Variants in LRRK2 observed in about 807,000 individuals in gnomAD.
LRRK2 encodes the protein leucine rich repeat kinase 2, also known as leucine-rich repeat serine/threonine-protein kinase 2.
In LRRK2, 203 loss-of-function variants were observed where a neutral mutation model predicts 302.6. The observed-to-expected ratio is 0.67, with a 90% confidence interval of 0.60 to 0.75. LRRK2 has a LOEUF of 0.75. Among genes scored for constraint, LRRK2 ranks in the 30% least tolerant of loss-of-function variants. LRRK2 has a pLI of 0.00. For synonymous variants in LRRK2, 1,066 were observed against 1,031.9 expected, an observed-to-expected ratio of 1.03 and a Z score of -0.63; for missense variants, 2,830 against 2,951.0, an observed-to-expected ratio of 0.96 and a Z score of 0.95.
intron 2 of LRRK2, among the ~76,000 whole-genome samples, chr12:40,228,433 C>CTTTTTTTT (rs35333613): frequency 8.3e-4 from 16 of 19,298 alleles, no homozygotes; most frequent in African/African-American, 1.0e-3. Flanking sequence ...AAAAATAAGA[C>CTTTTTTTT]TTTTTTTTTT....
chr12:40,229,955 C>CTTTTTTTT lies in LRRK2; in HGVS notation c.238-2298_238-2291dup, dbSNP rs71078229. Among the ~76,000 whole-genome samples the CTTTTTTTT allele has an allele frequency of 3.2e-5, 3 of 92,926 alleles. 1 individual carries two copies. The highest frequency in any genetic ancestry group is 2.1e-5 in the Non-Finnish European group (1 of 47,744). 61.0% of individuals were successfully genotyped at this position (92,926 alleles called of 152,430 possible). A position where few individuals can be genotyped will look rare whatever the true frequency, so the allele number is the denominator to read the frequency against. ...GAGATGAGTTTGGCATCCTATGTGA[C>CTTTTTTTT]TTTTTTTTTTTTTTTTTTTTTTTTT... is the stretch of plus-strand genomic sequence containing the variant. On this transcript the variant is annotated intron_variant, in intron 2 of 50. Coordinates refer to ENST00000298910, the MANE Select transcript of LRRK2 (RefSeq NM_198578.4).
At chr12:40,328,312 T>C in intron 38 of LRRK2, 48 bp from the exon 39 acceptor site, 1 of 1,452,502 alleles carries the variant, frequency 6.9e-7, no homozygotes, top group East Asian at 2.3e-5. Context: ...TTTAGTTTTT[T>C]TCGCTTGGAC....
In LRRK2 at chr12:40,364,912, T is replaced by C. The variant is rs1275746186; in HGVS notation, c.7252T>C (p.Cys2418Arg). Residue 2418 changes from cysteine (C) to arginine (R), a missense_variant, in exon 49 of 51, where the codon TGC becomes CGC. This residue lies in a region of LRRK2 where 456 missense variants were observed against 456.3 expected (regional missense o/e 1.00). Coordinates refer to ENST00000298910, the MANE Select transcript of LRRK2 (RefSeq NM_198578.4). Reference protein sequence around the residue: ...MSYSGRVKTLCLQKNTALWIG... With the variant: ...MSYSGRVKTLRLQKNTALWIG... Reference sequence around the variant, plus strand: ...TTATTCTGGGAGAGTGAAAACCCTCTGCCTTCAGAAGAACACTGCTCTTTG... The same window carrying C: ...TTATTCTGGGAGAGTGAAAACCCTCCGCCTTCAGAAGAACACTGCTCTTTG... The C allele has an allele frequency of 6.2e-7, 1 of 1,612,438 alleles. No homozygotes were observed. Among genetic ancestry groups the C allele is most frequent in the Non-Finnish European group, 8.5e-7 (1 of 1,179,094 alleles).
intron 41 of LRRK2, among the ~76,000 whole-genome samples, chr12:40,346,091 T>C (rs1946184149): frequency 6.6e-6 from 1 of 152,190 alleles, no homozygotes; most frequent in Non-Finnish European, 1.5e-5. Flanking sequence ...AATCACTCTT[T>C]TTTTCTGAAG....
chr12:40,364,129 A>G (rs1946801967), intron 48 of LRRK2, among the ~76,000 whole-genome samples: 2 of 152,056 alleles, frequency 1.3e-5, no homozygotes, highest in African/African-American at 2.4e-5. Flanking sequence ...TAGCCACTTT[A>G]TATTTTTATT....
chr12:40,367,942 A>G lies in LRRK2; in HGVS notation c.*177A>G, dbSNP rs1158648153. On this transcript the variant is annotated 3_prime_UTR_variant, in exon 51 of 51. Coordinates refer to ENST00000298910, the MANE Select transcript of LRRK2 (RefSeq NM_198578.4). Reference sequence around the variant, plus strand: ...TAAAAATACTTACCAGTAAATGTGTATTTTAAAGAACTATTTAAAACACAA... The same window carrying G: ...TAAAAATACTTACCAGTAAATGTGTGTTTTAAAGAACTATTTAAAACACAA... 1 of 443,632 alleles carries G rather than the reference A, an allele frequency of 2.3e-6. No individual in the cohort carries two copies. Among genetic ancestry groups the G allele is most frequent in the Non-Finnish European group, 3.9e-6 (1 of 257,250 alleles). The allele number at this position is 443,632 out of a possible 1,614,324, so 27.5% of individuals were successfully genotyped here. A position where few individuals can be genotyped will look rare whatever the true frequency, so the allele number is the denominator to read the frequency against.
At chr12:40,235,311 A>G (rs1031570168) in intron 3 of LRRK2, among the ~76,000 whole-genome samples, 1 of 152,214 alleles carries the variant, frequency 6.6e-6, no homozygotes, top group African/African-American at 2.4e-5. Context: ...TCTCCAAAAA[A>G]GAATGAAAAA....
rs200989349 is a variant in LRRK2 at position 40,363,392 on chromosome 12, T to C, written c.7029-10T>C. On this transcript the variant is annotated splice_polypyrimidine_tract_variant and intron_variant, in intron 47 of 50. Transcript: ENST00000298910. ...AATAGTGATGACTTTCTATTTTTTT[T>C]TCTCTGTAGGTTTTCTTATGCAGCT... The C allele has an allele frequency of 9.9e-6, 16 of 1,610,180 alleles. No individual in the cohort carries two copies. The African/African-American group carries it at 2.0e-4, about 20-fold the overall frequency.
rs1216578449 is a variant in LRRK2, at chr12:40,274,876, T to A, written c.1824T>A (p.Ser608Arg). 6.2e-7 allele frequency: 1 copy of A among 1,611,960 alleles called. No homozygotes were observed. Among genetic ancestry groups the A allele is most frequent in the Admixed American group, 1.7e-5 (1 of 59,974 alleles). ...DDQEIQCLGL[S>R]LIGYLITKKN... is the part of the protein sequence containing the mutation. Reference sequence around the variant, plus strand: ...TAGAAATTCAGTGTCTGGGTTTAAGTCTTATAGGATACTTGATTACAAAGA... The same window carrying A: ...TAGAAATTCAGTGTCTGGGTTTAAGACTTATAGGATACTTGATTACAAAGA... The change falls in exon 16 of 51, where the codon AGT (serine) becomes AGA (arginine). Residue 608 changes from serine to arginine, a missense_variant. This residue lies in a region of LRRK2 where 2,121 missense variants were observed against 2,148.0 expected (regional missense o/e 0.99). Coordinates refer to ENST00000298910, the MANE Select transcript of LRRK2 (RefSeq NM_198578.4).
chr12:40,294,014 C>T (rs1944272426), intron 21 of LRRK2, among the ~76,000 whole-genome samples: 1 of 151,258 alleles, frequency 6.6e-6, no homozygotes, highest in Non-Finnish European at 1.5e-5. Flanking sequence ...TGGGTTGGTC[C>T]CATGAACACT....
intron 14 of LRRK2, among the ~76,000 whole-genome samples, chr12:40,270,077 G>GTTGTTGAATA (rs1943171841): frequency 6.6e-6 from 1 of 152,110 alleles, no homozygotes; most frequent in Non-Finnish European, 1.5e-5. Context: ...TTCACTTAGA[G>GTTGTTGAATA]TTGTTGAATA....
chr12:40,341,193 G>A (rs1343635868), intron 41 of LRRK2, among the ~76,000 whole-genome samples: 2 of 152,112 alleles, frequency 1.3e-5, no homozygotes, highest in East Asian at 3.9e-4. Context: ...TTTGGAGTGT[G>A]GGGAACACTC....
At chr12:40,244,849 A>G (rs1020542667) in intron 7 of LRRK2, among the ~76,000 whole-genome samples, 2 of 151,920 alleles carry the variant, frequency 1.3e-5, no homozygotes, top group Non-Finnish European at 1.5e-5. Flanking sequence ...TAACCTGAAC[A>G]TTGTACACAT....
intron 23 of LRRK2, 30 bp downstream of exon 23, chr12:40,295,674 A>G: frequency 1.5e-5 from 23 of 1,581,400 alleles, no homozygotes; most frequent in Non-Finnish European, 2.0e-5. Context: ...GTAACTTTCA[A>G]GACATTTGAA....
intron 14 of LRRK2, among the ~76,000 whole-genome samples, chr12:40,264,140 A>G (rs887184941): frequency 2.0e-5 from 3 of 152,192 alleles, no homozygotes; most frequent in Non-Finnish European, 2.9e-5. Flanking sequence ...TTTGATTGCC[A>G]GTAACATAAA....
At chr12:40,311,925 C>G (rs1592272285) in intron 31 of LRRK2, among the ~76,000 whole-genome samples, 1 of 151,404 alleles carries the variant, frequency 6.6e-6, no homozygotes, top group East Asian at 1.9e-4. Flanking sequence ...AAAACAAATA[C>G]ACAAAATTTA....
Position 40,364,921 on chromosome 12 carries a change from A to G in LRRK2, c.7261A>G (p.Lys2421Glu). The G allele has an allele frequency of 6.2e-7, 1 of 1,612,650 alleles. No individual in the cohort carries two copies. The highest frequency in any genetic ancestry group is 8.5e-7 in the Non-Finnish European group (1 of 1,179,118). Residue 2421 changes from lysine to glutamate, a missense_variant, in exon 49 of 51, where the codon AAG becomes GAG. By Grantham distance (56) the Lys-to-Glu change is moderately conservative. Transcript: ENST00000298910. The stretch of plus-strand genomic sequence containing the variant: ...GAGAGTGAAAACCCTCTGCCTTCAG[A>G]AGAACACTGCTCTTTGGATAGGAAC... ...SGRVKTLCLQ[K>E]NTALWIGTGG... is the part of the protein sequence containing the mutation.
chr12:40,251,201 T>A (rs1190716743), intron 8 of LRRK2, 31 bp from the exon 9 acceptor site: 22 of 1,337,298 alleles, frequency 1.6e-5, no homozygotes, highest in Non-Finnish European at 2.0e-5. Context: ...ATATATATAA[T>A]GTTTTTATAT....
intron 44 of LRRK2, among the ~76,000 whole-genome samples, chr12:40,352,469 C>CTTTTTTTTTTTTTTTTTTT (rs1307806388): frequency 1.2e-4 from 13 of 104,560 alleles, no homozygotes; most frequent in Non-Finnish European, 1.6e-4. Flanking sequence ...GTTAAACAAT[C>CTTTTTTTTTTTTTTTTTTT]TTTTTTTTTT....
Sources: gnomAD v4.1 joint callset for allele counts (sites outside exome capture counted in the v4.1 genomes callset) on GRCh38, gnomAD v4.1.1 for gene constraint, gnomAD v4.1.1 regional missense constraint, MANE v1.5 for transcripts, NCBI Gene and HGNC (gene_info 2026-07-23, HGNC 2026-07-21) for gene names.